MMP26: variants seen among roughly 807,000 people sequenced by gnomAD.
MMP26 encodes matrix metallopeptidase 26.
A neutral mutation model predicts 31.0 loss-of-function variants in MMP26; 33 were observed. That is an observed-to-expected ratio of 1.06 (90% CI 0.81 to 1.42). The LOEUF is 1.42. MMP26 is among the 40% of genes most tolerant of loss of function. The pLI is 0.00. For synonymous variants in MMP26, 122 were observed against 114.9 expected, an observed-to-expected ratio of 1.06 and a Z score of -0.40; for missense variants, 347 against 316.1, an observed-to-expected ratio of 1.10 and a Z score of -0.74.
Position 4,758,805 on chromosome 11 carries a change from G to A in MMP26, c.-216-8465G>A, listed in dbSNP as rs1589892194. The stretch of plus-strand genomic sequence containing the variant: ...CAATTGAATAATGTGTTTACTATAC[G>A]ACTTTTAAAAAATGACAAAAAATTG... On this transcript the variant is annotated intron_variant, in intron 1 of 7. Coordinates refer to ENST00000380390, the MANE Select transcript of MMP26 (RefSeq NM_021801.5). 2.0e-5 allele frequency among the ~76,000 whole-genome samples: 3 copies of A among 152,006 alleles called. 1 individual carries two copies. Among genetic ancestry groups the A allele is most frequent in the South Asian group, 2.1e-4 (1 of 4,822 alleles).
chr11:4,731,552 C>A (rs1362044347), intron 1 of MMP26, among the ~76,000 whole-genome samples: 2 of 152,144 alleles, frequency 1.3e-5, no homozygotes, highest in African/African-American at 4.8e-5. Context: ...GCTTTGCTGT[C>A]CCTTACCCTC....
chr11:4,913,920 C>T (rs1038382556), intron 2 of MMP26: 2 of 152,178 alleles, frequency 1.3e-5, no homozygotes, highest in South Asian at 2.1e-4. Flanking sequence ...ATGCTCCCTT[C>T]CCCCAGCTAG....
intron 2 of MMP26, chr11:4,907,312 G>A: frequency 1.7e-6 from 2 of 1,201,368 alleles, no homozygotes; most frequent in Non-Finnish European, 2.4e-6. Flanking sequence ...CCAAAAGCAT[G>A]ACTGCTTTTC....
chr11:4,804,148 G>A, intron 2 of MMP26: 2 of 1,614,194 alleles, frequency 1.2e-6, no homozygotes, highest in Non-Finnish European at 1.7e-6. Flanking sequence ...TTGAGTGGAG[G>A]AGGAGAGGAC....
chr11:4,948,183 A>T (rs1210137644), intron 2 of MMP26, among the ~76,000 whole-genome samples: 1 of 125,174 alleles, frequency 8.0e-6, no homozygotes, highest in African/African-American at 2.7e-5. Flanking sequence ...ATAAGACTTT[A>T]TGTTTAAGAA....
chr11:4,820,698 TTC>T (rs1849484477), intron 2 of MMP26, among the ~76,000 whole-genome samples: 1 of 152,122 alleles, frequency 6.6e-6, no homozygotes, highest in Non-Finnish European at 1.5e-5. Flanking sequence ...CTTTTGTGGT[TTC>T]TCTCAACATT....
rs752518921 is a variant in MMP26, at chr11:4,821,888, C to T, written c.-145+54547C>T. The T allele has an allele frequency of 6.2e-6, 10 of 1,613,906 alleles. 2 individuals carry two copies. In the South Asian group the frequency reaches 1.1e-4, roughly 18 times the overall value. ...ATGAGCATGTTGATAAGAAATGTTG[C>T]CGTCATGTTGCCAGTCATGCTCTTT... On this transcript the variant is annotated intron_variant, in intron 2 of 7. Coordinates refer to ENST00000380390, the MANE Select transcript of MMP26 (RefSeq NM_021801.5).
chr11:4,799,053 A>G (rs1849146632), intron 2 of MMP26, among the ~76,000 whole-genome samples: 1 of 152,062 alleles, frequency 6.6e-6, no homozygotes, highest in African/African-American at 2.4e-5. Context: ...GAGGGAAGAA[A>G]GGCACCGTGA....
intron 1 of MMP26, among the ~76,000 whole-genome samples, chr11:4,735,318 ATG>A (rs755005839): frequency 6.6e-6 from 1 of 152,128 alleles, no homozygotes; most frequent in Non-Finnish European, 1.5e-5. Flanking sequence ...CACTATATAT[ATG>A]TGTGTGTGTA....
At chr11:4,777,738 T>C (rs529841562) in intron 2 of MMP26, among the ~76,000 whole-genome samples, 7 of 152,248 alleles carry the variant, frequency 4.6e-5, no homozygotes, top group Admixed American at 2.6e-4. Context: ...ACATTGTGTC[T>C]GAGAAATTCT....
At chr11:4,917,322 A>G (rs1851111683) in intron 2 of MMP26, among the ~76,000 whole-genome samples, 1 of 152,206 alleles carries the variant, frequency 6.6e-6, no homozygotes, top group African/African-American at 2.4e-5. Context: ...CAAATAGTAA[A>G]GACAAAAATA....
chr11:4,775,747 T>TGAGTGAGAGAGAGAGA, intron 2 of MMP26, among the ~76,000 whole-genome samples: 1 of 139,802 alleles, frequency 7.2e-6, no homozygotes, highest in African/African-American at 2.6e-5. Flanking sequence ...AGGAAGTGAG[T>TGAGTGAGAGAGAGAGA]GAGAGAGAGA....
intron 1 of MMP26, among the ~76,000 whole-genome samples, chr11:4,714,948 A>G (rs917959275): frequency 2.0e-5 from 3 of 151,822 alleles, no homozygotes; most frequent in African/African-American, 7.3e-5. Context: ...ACACACACAC[A>G]CACACACACA....
At chr11:4,873,107 A>G (rs1016903935) in intron 2 of MMP26, among the ~76,000 whole-genome samples, 2 of 152,132 alleles carry the variant, frequency 1.3e-5, no homozygotes, top group Non-Finnish European at 2.9e-5. Flanking sequence ...ATTTGAAGTC[A>G]TTAATCAATA....
chr11:4,783,261 C>CACCTCT lies in MMP26; in HGVS notation c.-145+15921_-145+15926dup, dbSNP rs1288666541. 2.4e-4 allele frequency among the ~76,000 whole-genome samples: 36 copies of CACCTCT among 152,348 alleles called. No individual in the cohort carries two copies. In the East Asian group the frequency reaches 6.4e-3, roughly 27 times the overall value. ...AGACATGCCCAAGATCATGGGAACC[C>CACCTCT]ACCTCTTGCATCAGTGTGACCCAGA... On this transcript the variant is annotated intron_variant, in intron 2 of 7. Coordinates refer to ENST00000380390, the MANE Select transcript of MMP26 (RefSeq NM_021801.5).
chr11:4,842,682 G>T (rs1849813133), intron 2 of MMP26, among the ~76,000 whole-genome samples: 1 of 152,024 alleles, frequency 6.6e-6, no homozygotes, highest in Non-Finnish European at 1.5e-5. Context: ...ATATCATTCT[G>T]CCCCTTGACC....
intron 2 of MMP26, among the ~76,000 whole-genome samples, chr11:4,828,524 G>A (rs1023903904): frequency 2.0e-5 from 3 of 152,114 alleles, no homozygotes; most frequent in East Asian, 1.9e-4. Flanking sequence ...GAATTGATGG[G>A]GAAAGGAATA....
At chr11:4,821,916 C>T (rs1382479218) in intron 2 of MMP26, 1 of 1,613,980 alleles carries the variant, frequency 6.2e-7, no homozygotes, top group East Asian at 2.2e-5. Context: ...TGCTCTTTGT[C>T]AAGAGGTTGT....
chr11:4,893,675 C>T (rs190144505), intron 2 of MMP26, among the ~76,000 whole-genome samples: 45 of 152,242 alleles, frequency 3.0e-4, no homozygotes, highest in African/African-American at 1.0e-3. Flanking sequence ...GCCTCTGCCA[C>T]ATAGTAGACC....
Sources: allele counts gnomAD v4.1 joint callset (sites outside exome capture counted in the v4.1 genomes callset), GRCh38; gene constraint gnomAD v4.1.1; transcripts MANE v1.5; gene names NCBI Gene and HGNC (gene_info 2026-07-23, HGNC 2026-07-21).